The following RNF144B variants were observed in gnomAD, a reference collection of about 807,000 sequenced individuals.
RNF144B encodes E3 ubiquitin-protein ligase RNF144B.
RNF144B carries 25 observed loss-of-function variants against 40.2 expected under a neutral mutation model. The observed-to-expected ratio is 0.62, with a 90% confidence interval of 0.45 to 0.87. RNF144B has a LOEUF of 0.87. Among genes scored for constraint, RNF144B ranks in the 40% least tolerant of loss-of-function variants. The pLI is 0.00. For missense variants in RNF144B, 365 were observed against 373.7 expected (o/e 0.98, Z 0.19); for synonymous variants, 145 against 136.3 (o/e 1.06, Z -0.44).
chr6:18,388,526 A>T (rs1582391700), intron 1 of RNF144B, among the ~76,000 whole-genome samples: 1 of 152,298 alleles, frequency 6.6e-6, no homozygotes, highest in East Asian at 1.9e-4. Flanking sequence ...GTTGCTGGCT[A>T]ATTAGAGTAT....
chr6:18,436,071 A>G (rs1167624059), intron 3 of RNF144B, among the ~76,000 whole-genome samples: 3 of 151,632 alleles, frequency 2.0e-5, no homozygotes, highest in Non-Finnish European at 4.4e-5. Context: ...AAAAAAAAAA[A>G]GTTAACATCA....
Position 18,414,267 on chromosome 6 carries a change from T to A in RNF144B, c.166-13314T>A, listed in dbSNP as rs981996923. ...TTCAGTTCTCTTAAATCTAAGAGAT[T>A]CTCTTTTGTAATGTAGCTCAAGAGG... On this transcript the variant is annotated intron_variant, in intron 2 of 7. Coordinates refer to ENST00000259939, the MANE Select transcript of RNF144B (RefSeq NM_182757.4). The surrounding 1 kb of genome is among the most constrained non-coding windows in gnomAD (Gnocchi z 4.9). Among the ~76,000 whole-genome samples the A allele has an allele frequency of 6.6e-6, 1 of 152,180 alleles. No homozygotes were observed.
chr6:18,396,604 C>T lies in RNF144B; in HGVS notation c.-36-2895C>T, dbSNP rs1794699384. 8.1e-6 allele frequency: 8 copies of T among 984,924 alleles called. No individual in the cohort carries two copies. In the South Asian group the frequency reaches 3.3e-4, roughly 40 times the overall value. The allele number at this position is 984,924 out of a possible 1,614,324, so 61.0% of individuals were successfully genotyped here. ...TACCCTTTTTCTCCTACTCAGGAAG[C>T]ATTTACTACCTACGTTTCTTCTTGT... On this transcript the variant is annotated intron_variant, in intron 1 of 7. Transcript: ENST00000259939.
intron 1 of RNF144B, among the ~76,000 whole-genome samples, chr6:18,391,137 G>A (rs1405601889): frequency 2.6e-5 from 4 of 152,252 alleles, no homozygotes; most frequent in South Asian, 2.1e-4. Flanking sequence ...CTGGTTTTCT[G>A]GTAATGTCCT....
chr6:18,440,905 T>C (rs907613649), intron 4 of RNF144B, among the ~76,000 whole-genome samples: 1 of 146,474 alleles, frequency 6.8e-6, no homozygotes, highest in African/African-American at 2.5e-5. Context: ...AAAAAAAATC[T>C]TGGATTAGGT....
At position 18,459,554 on chromosome 6, in the gene RNF144B, A is replaced by G; in HGVS notation, c.537-53A>G. 2.5e-6 allele frequency: 4 copies of G among 1,582,960 alleles called. No individual in the cohort carries two copies. Among genetic ancestry groups the G allele is most frequent in the Non-Finnish European group, 3.5e-6 (4 of 1,156,752 alleles). ...TATCTAACCATCAGGAGCCCTGGGA[A>G]TTCAACTGATGACCATCAGCTGAAT... is the stretch of plus-strand genomic sequence containing the variant. On this transcript the variant is annotated intron_variant, in intron 5 of 7. Transcript: ENST00000259939. This position sits in a 1 kb window ranked among gnomAD's most constrained non-coding sequence, Gnocchi z 4.2.
intron 2 of RNF144B, among the ~76,000 whole-genome samples, chr6:18,424,945 GA>G (rs1373102892): frequency 6.6e-6 from 1 of 152,180 alleles, no homozygotes; most frequent in Non-Finnish European, 1.5e-5. Flanking sequence ...GTCTTTGATG[GA>G]AAGTCTAAGA....
chr6:18,459,861 A>C lies in RNF144B; in HGVS notation c.681+110A>C. 9.9e-7 allele frequency: 1 copy of C among 1,012,034 alleles called. No individual in the cohort carries two copies. The highest frequency in any genetic ancestry group is 1.4e-6 in the Non-Finnish European group (1 of 696,310). The allele number at this position is 1,012,034 out of a possible 1,614,324, so 62.7% of individuals were successfully genotyped here. A position where few individuals can be genotyped will look rare whatever the true frequency, so the allele number is the denominator to read the frequency against. ...TATTGGGGCAATTTTTGTCCTGCAA[A>C]AGGAATTTATTTTTCTTAATGAGAC... On this transcript the variant is annotated intron_variant, in intron 6 of 7. Transcript: ENST00000259939. This position sits in a 1 kb window ranked among gnomAD's most constrained non-coding sequence, Gnocchi z 4.2.
rs2113521022 is a variant in RNF144B at position 18,444,623 on chromosome 6, C to T, written c.331+4879C>T. ...AATATTTATTTATATTACCATATAG[C>T]AGTTTAAGAACTCTTACAGAAGGGT... On this transcript the variant is annotated intron_variant, in intron 4 of 7. Transcript: ENST00000259939. The surrounding 1 kb of genome is among the most constrained non-coding windows in gnomAD (Gnocchi z 4.3). 6.6e-6 allele frequency among the ~76,000 whole-genome samples: 1 copy of T among 152,140 alleles called. No homozygotes were observed. The highest frequency in any genetic ancestry group is 2.1e-4 in the South Asian group (1 of 4,814).
At chr6:18,390,119 A>G (rs571119990) in intron 1 of RNF144B, among the ~76,000 whole-genome samples, 1 of 152,362 alleles carries the variant, frequency 6.6e-6, no homozygotes, top group East Asian at 1.9e-4. Flanking sequence ...CTAGAGTGGT[A>G]GTTCTGAATT....
At chr6:18,402,444 AC>A (rs1370260198) in intron 2 of RNF144B, among the ~76,000 whole-genome samples, 1 of 88,528 alleles carries the variant, frequency 1.1e-5, no homozygotes, top group African/African-American at 3.3e-5. Flanking sequence ...TGTTCCACGG[AC>A]CACCAGCTCT....
rs192000390 is a variant in RNF144B at position 18,448,434 on chromosome 6, G to A, written c.331+8690G>A. ...CTTCCTAGGTGCAATAAGAAGGAGG[G>A]TCAGCAGCTGAGAGTGAGAAGAGAA... On this transcript the variant is annotated intron_variant, in intron 4 of 7. Transcript: ENST00000259939. The surrounding 1 kb of genome is among the most constrained non-coding windows in gnomAD (Gnocchi z 4.0). 1.3e-5 allele frequency among the ~76,000 whole-genome samples: 2 copies of A among 152,214 alleles called. No homozygotes were observed. Among genetic ancestry groups the A allele is most frequent in the Admixed American group, 6.5e-5 (1 of 15,282 alleles).
chr6:18,465,082 A>G lies in RNF144B; in HGVS notation c.*15A>G, dbSNP rs1323450758. 6.2e-7 allele frequency: 1 copy of G among 1,612,912 alleles called. No homozygotes were observed. Among genetic ancestry groups the G allele is most frequent in the Non-Finnish European group, 8.5e-7 (1 of 1,179,500 alleles). ...CCACAACCTAAAGATCTCTGTGTTC[A>G]TACGCCCCAGATATGTGAGTTACAT... is the stretch of plus-strand genomic sequence containing the variant. On this transcript the variant is annotated 3_prime_UTR_variant, in exon 8 of 8. Coordinates refer to ENST00000259939, the MANE Select transcript of RNF144B (RefSeq NM_182757.4).
rs2113520069 is a variant in RNF144B, at chr6:18,443,813, T to G, written c.331+4069T>G. ...GCTAGGTGACTTTGAGACTATGTTG[T>G]GAATATATATTTGATGTGAAACCAT... On this transcript the variant is annotated intron_variant, in intron 4 of 7. Coordinates refer to ENST00000259939, the MANE Select transcript of RNF144B (RefSeq NM_182757.4). This position sits in a 1 kb window ranked among gnomAD's most constrained non-coding sequence, Gnocchi z 4.7. Among the ~76,000 whole-genome samples the G allele has an allele frequency of 6.6e-6, 1 of 152,276 alleles. No homozygotes were observed. The highest frequency in any genetic ancestry group is 3.4e-3 in the Middle Eastern group (1 of 294).
Position 18,387,467 on chromosome 6 carries a change from T to C in RNF144B, c.-200T>C, listed in dbSNP as rs913041922. The C allele has an allele frequency of 1.6e-6, 2 of 1,262,932 alleles. No homozygotes were observed. Among genetic ancestry groups the C allele is most frequent in the African/African-American group, 3.1e-5 (2 of 64,912 alleles). The allele number at this position is 1,262,932 out of a possible 1,614,324, so 78.2% of individuals were successfully genotyped here. A position where few individuals can be genotyped will look rare whatever the true frequency, so the allele number is the denominator to read the frequency against. ...CCCGTAGGTCTGGGAGCGCAAGTCCTGTTGCAGTCTTGCAAAGTGTAAAGC... is the reference window on the plus strand; with the variant it reads ...CCCGTAGGTCTGGGAGCGCAAGTCCCGTTGCAGTCTTGCAAAGTGTAAAGC... On this transcript the variant is annotated 5_prime_UTR_variant, in exon 1 of 8. Coordinates refer to ENST00000259939, the MANE Select transcript of RNF144B (RefSeq NM_182757.4).
In RNF144B at chr6:18,445,608, T is replaced by A. The variant is rs557773495; in HGVS notation, c.331+5864T>A. Among the ~76,000 whole-genome samples, 76 of 152,348 alleles carry A rather than the reference T, an allele frequency of 5.0e-4. 1 individual carries two copies. In the South Asian group the frequency reaches 0.016, roughly 32 times the overall value. On this transcript the variant is annotated intron_variant, in intron 4 of 7. Coordinates refer to ENST00000259939, the MANE Select transcript of RNF144B (RefSeq NM_182757.4). ...AATTTGTCTATCTCTGATGTAAATA[T>A]GTCAGAGTTAACCACTTCTAAATCA...
rs1007323107 is a variant in RNF144B, at chr6:18,434,368, G to A, written c.271-5316G>A. 3.3e-5 allele frequency among the ~76,000 whole-genome samples: 4 copies of A among 122,938 alleles called. No individual in the cohort carries two copies. The highest frequency in any genetic ancestry group is 1.0e-4 in the African/African-American group (4 of 39,258). The allele number at this position is 122,938 out of a possible 152,430, so 80.7% of individuals were successfully genotyped here. On this transcript the variant is annotated intron_variant, in intron 3 of 7. Coordinates refer to ENST00000259939, the MANE Select transcript of RNF144B (RefSeq NM_182757.4). This position sits in a 1 kb window ranked among gnomAD's most constrained non-coding sequence, Gnocchi z 4.1. The stretch of plus-strand genomic sequence containing the variant: ...TTTTTTGCTTTGTTTTTTTCTGAGA[G>A]GGGGTAAGGTCAGTGTTAGTGTAGA...
chr6:18,456,814 G>C lies in RNF144B; in HGVS notation c.332-341G>C, dbSNP rs1284174615. Among the ~76,000 whole-genome samples, 1 of 152,156 alleles carries C rather than the reference G, an allele frequency of 6.6e-6. No individual in the cohort carries two copies. Among genetic ancestry groups the C allele is most frequent in the Admixed American group, 6.5e-5 (1 of 15,284 alleles). On this transcript the variant is annotated intron_variant, in intron 4 of 7. Transcript: ENST00000259939. The surrounding 1 kb of genome is among the most constrained non-coding windows in gnomAD (Gnocchi z 4.7). ...GGTGGCTCATGCCTGTAAAATCCCA[G>C]CACTTTGGGAGGCCAAGGTAGGCAG...
rs533002593 is a variant in RNF144B at position 18,405,298 on chromosome 6, G to A, written c.165+5599G>A. Among the ~76,000 whole-genome samples, 16 of 151,788 alleles carry A rather than the reference G, an allele frequency of 1.1e-4. No individual in the cohort carries two copies. Among genetic ancestry groups the A allele is most frequent in the Admixed American group, 2.0e-4 (3 of 15,244 alleles). ...AAGTGGTTCTCCTGCCTCAGCCTCC[G>A]GAGTAGCTGGGATTACAGGCATGTG... On this transcript the variant is annotated intron_variant, in intron 2 of 7. Coordinates refer to ENST00000259939, the MANE Select transcript of RNF144B (RefSeq NM_182757.4). This position sits in a 1 kb window ranked among gnomAD's most constrained non-coding sequence, Gnocchi z 4.5.
Sources: gnomAD v4.1 joint callset for allele counts (sites outside exome capture counted in the v4.1 genomes callset) on GRCh38, gnomAD v4.1.1 for gene constraint, Gnocchi (gnomAD v3.1) non-coding constraint, MANE v1.5 for transcripts, NCBI Gene and HGNC (gene_info 2026-07-23, HGNC 2026-07-21) for gene names.